FA2H: variants seen among roughly 807,000 people sequenced by gnomAD.
The protein encoded by FA2H is fatty acid alpha-hydroxylase.
A neutral mutation model predicts 44.9 loss-of-function variants in FA2H; 22 were observed. The observed-to-expected ratio is 0.49, with a 90% confidence interval of 0.35 to 0.70. The LOEUF (loss-of-function observed/expected upper bound fraction) is 0.70. Among genes scored for constraint, FA2H ranks in the 30% least tolerant of loss-of-function variants. The probability of loss-of-function intolerance (pLI) is 0.01; values close to 1 mark genes in which losing one functional copy is unlikely to be tolerated. For synonymous variants in FA2H, 243 were observed against 213.2 expected (o/e 1.14, Z -1.22); for missense variants, 501 against 504.9 (o/e 0.99, Z 0.07).
intron 6 of FA2H, among the ~76,000 whole-genome samples, chr16:74,716,135 T>C (rs1961690599): frequency 6.6e-6 from 1 of 152,132 alleles, no homozygotes. Flanking sequence ...ATTTTCTTTA[T>C]GGCATTTATC....
rs571681094 is a variant in FA2H at position 74,736,761 on chromosome 16, C to G, written c.363+3262G>C. ...ACACTGCTGGTATCTGCTCAGCCTC[C>G]TCCCTCCCTCTGCCACTCCCTCTCC... On this transcript the variant is annotated intron_variant, in intron 2 of 6. Coordinates refer to ENST00000219368, the MANE Select transcript of FA2H (RefSeq NM_024306.5). 2.0e-5 allele frequency among the ~76,000 whole-genome samples: 3 copies of G among 152,260 alleles called. No homozygotes were observed. The East Asian group carries it at 5.8e-4, about 29-fold the overall frequency.
intron 1 of FA2H, among the ~76,000 whole-genome samples, chr16:74,755,160 T>G (rs1331216943): frequency 8.7e-5 from 1 of 11,548 alleles, no homozygotes; most frequent in Non-Finnish European, 2.5e-4. Flanking sequence ...TACATTTGTG[T>G]TTTTTTTTTT....
intron 1 of FA2H, among the ~76,000 whole-genome samples, chr16:74,773,867 C>T (rs1479094599): frequency 6.6e-6 from 1 of 152,196 alleles, no homozygotes; most frequent in Non-Finnish European, 1.5e-5. Context: ...TTTCATTTCA[C>T]TCTTTTGGAG....
At position 74,714,178 on chromosome 16, in the gene FA2H, G is replaced by A. The variant is rs535708941; in HGVS notation, c.*12C>T. On this transcript the variant is annotated 3_prime_UTR_variant, in exon 7 of 7. Coordinates refer to ENST00000219368, the MANE Select transcript of FA2H (RefSeq NM_024306.5). ...GGCCGGGCTGAGGGCAGGACGGAGG[G>A]GGTGGGAGTTGTCACTGCGTCTTCA... The A allele has an allele frequency of 2.0e-5, 30 of 1,537,362 alleles. No homozygotes were observed. The South Asian group carries it at 3.0e-4, about 15-fold the overall frequency.
intron 4 of FA2H, 23 bp downstream of exon 4, chr16:74,726,202 G>C: frequency 1.3e-6 from 2 of 1,547,400 alleles, no homozygotes; most frequent in East Asian, 2.2e-5. Context: ...CTCAGGGCAA[G>C]TCAGGAAAGA....
At chr16:74,728,775 TCTTTC>T (rs1962009459) in intron 2 of FA2H, among the ~76,000 whole-genome samples, 1 of 145,922 alleles carries the variant, frequency 6.9e-6, no homozygotes, top group East Asian at 1.9e-4. Context: ...TATATTTATC[TCTTTC>T]TTTTTTTTTT....
intron 5 of FA2H, among the ~76,000 whole-genome samples, chr16:74,717,634 A>T (rs73614660): frequency 0.074 from 11,278 of 152,226 alleles, 836 homozygotes; most frequent in African/African-American, 0.19. Flanking sequence ...GGATCCTTAG[A>T]TGGATAGGTC....
At position 74,741,808 on chromosome 16, in the gene FA2H, A is replaced by ATATATATG. The variant is rs1491185782; in HGVS notation, c.271-1694_271-1693insCATATATA. On this transcript the variant is annotated intron_variant, in intron 1 of 6. Coordinates refer to ENST00000219368, the MANE Select transcript of FA2H (RefSeq NM_024306.5). Reference sequence around the variant, plus strand: ...TATATATATATATATATATATATATATGTGTGTGTGTGTGTGTGTGTGTGT... The same window carrying ATATATATG: ...TATATATATATATATATATATATATATATATATGTGTGTGTGTGTGTGTGTGTGTGTGT... Among the ~76,000 whole-genome samples, 139 of 48,340 alleles carry ATATATATG rather than the reference A, an allele frequency of 2.9e-3. 1 individual carries two copies. Among genetic ancestry groups the ATATATATG allele is most frequent in the African/African-American group, 3.5e-3 (32 of 9,232 alleles). The allele number at this position is 48,340 out of a possible 152,430, so 31.7% of individuals were successfully genotyped here.
chr16:74,737,797 C>A (rs1263869127), intron 2 of FA2H, among the ~76,000 whole-genome samples: 1 of 152,164 alleles, frequency 6.6e-6, no homozygotes, highest in African/African-American at 2.4e-5. Context: ...AAGCTGCCAC[C>A]TTCATGGCCT....
At chr16:74,770,993 T>C (rs941182565) in intron 1 of FA2H, among the ~76,000 whole-genome samples, 11 of 152,066 alleles carry the variant, frequency 7.2e-5, no homozygotes, top group Non-Finnish European at 1.5e-4. Flanking sequence ...TTAGCAGAGC[T>C]GGGAGGTGGG....
intron 1 of FA2H, among the ~76,000 whole-genome samples, chr16:74,756,616 C>T (rs190836416): frequency 4.6e-5 from 7 of 152,084 alleles, no homozygotes; most frequent in Admixed American, 3.3e-4. Flanking sequence ...GGAGGAAAAA[C>T]GCAAATGGCT....
chr16:74,732,033 C>G (rs1962080651), intron 2 of FA2H, among the ~76,000 whole-genome samples: 1 of 152,014 alleles, frequency 6.6e-6, no homozygotes, highest in South Asian at 2.1e-4. Context: ...CCACCATGCC[C>G]AGCTAATTGT....
At chr16:74,736,905 C>T (rs1429963851) in intron 2 of FA2H, among the ~76,000 whole-genome samples, 2 of 152,172 alleles carry the variant, frequency 1.3e-5, no homozygotes, top group East Asian at 1.9e-4. Flanking sequence ...TGACTTTGGG[C>T]GGGAGATTTA....
chr16:74,740,954 G>A (rs997082927), intron 1 of FA2H, among the ~76,000 whole-genome samples: 7 of 152,228 alleles, frequency 4.6e-5, no homozygotes, highest in Non-Finnish European at 1.0e-4. Context: ...GGCTGTCCCT[G>A]CAGCAACACC....
chr16:74,718,402 C>T (rs1403643631), intron 5 of FA2H, among the ~76,000 whole-genome samples: 1 of 152,126 alleles, frequency 6.6e-6, no homozygotes, highest in Admixed American at 6.5e-5. Context: ...TTGGGCAGAC[C>T]TATCTTCTCG....
intron 1 of FA2H, among the ~76,000 whole-genome samples, chr16:74,750,997 G>A (rs969526239): frequency 2.0e-5 from 3 of 151,956 alleles, no homozygotes; most frequent in Non-Finnish European, 2.9e-5. Flanking sequence ...TGCCCAGGCT[G>A]GTCTCAAACT....
intron 2 of FA2H, among the ~76,000 whole-genome samples, chr16:74,739,206 G>C (rs991401945): frequency 5.3e-5 from 8 of 152,220 alleles, no homozygotes; most frequent in Non-Finnish European, 1.0e-4. Context: ...AGCTCTCGCA[G>C]GGAGGGGCCT....
intron 2 of FA2H, among the ~76,000 whole-genome samples, chr16:74,736,127 C>T (rs1962174830): frequency 6.6e-6 from 1 of 152,244 alleles, no homozygotes; most frequent in Non-Finnish European, 1.5e-5. Flanking sequence ...GCCCAGCCCA[C>T]CTGCCTGCTT....
intron 4 of FA2H, chr16:74,725,974 T>A (rs1961944979): frequency 4.2e-6 from 2 of 476,316 alleles, no homozygotes; most frequent in Non-Finnish European, 7.8e-6. Context: ...TCTCTTTTTT[T>A]ATTGCTATGC....
Sources: allele counts gnomAD v4.1 joint callset (sites outside exome capture counted in the v4.1 genomes callset), GRCh38; gene constraint gnomAD v4.1.1; transcripts MANE v1.5; gene names NCBI Gene and HGNC (gene_info 2026-07-23, HGNC 2026-07-21).